The following CCSER1 variants were observed in gnomAD, a reference collection of about 807,000 sequenced individuals.
CCSER1 encodes serine-rich coiled-coil domain-containing protein 1.
In CCSER1, 41 loss-of-function variants were observed where a neutral mutation model predicts 82.0. The observed-to-expected ratio is 0.50, with a 90% CI of 0.39 to 0.65. The LOEUF (loss-of-function observed/expected upper bound fraction) is 0.65. Ranked by LOEUF, CCSER1 falls within the 30% of genes least tolerant of loss-of-function variation. The pLI is 0.00. For missense variants in CCSER1, 1,119 were observed against 1,064.2 expected, an observed-to-expected ratio of 1.05 and a Z score of -0.72; for synonymous variants, 414 against 383.9, an observed-to-expected ratio of 1.08 and a Z score of -0.92.
At position 90,286,144 on chromosome 4, in the gene CCSER1, C is replaced by T. The variant is rs185098086; in HGVS notation, c.-41-22100C>T. Among the ~76,000 whole-genome samples, 5 of 151,974 alleles carry T rather than the reference C, an allele frequency of 3.3e-5. No individual in the cohort carries two copies. The East Asian group carries it at 7.8e-4, about 24-fold the overall frequency. On this transcript the variant is annotated intron_variant, in intron 1 of 10. Coordinates refer to ENST00000509176, the MANE Select transcript of CCSER1 (RefSeq NM_001145065.2). ...GGTTTTGGTATTGGGGTAATACTGGCCCCATGGAATGAGTTTGGAAATAGC... is the reference window on the plus strand; with the variant it reads ...GGTTTTGGTATTGGGGTAATACTGGTCCCATGGAATGAGTTTGGAAATAGC...
At chr4:90,287,983 C>A (rs1730211940) in intron 1 of CCSER1, among the ~76,000 whole-genome samples, 1 of 151,716 alleles carries the variant, frequency 6.6e-6, no homozygotes, top group African/African-American at 2.4e-5. Context: ...AAACCCTGGG[C>A]ATTTTTTTAT....
chr4:91,393,503 C>T (rs1343460099), intron 10 of CCSER1, among the ~76,000 whole-genome samples: 2 of 152,012 alleles, frequency 1.3e-5, no homozygotes, highest in Non-Finnish European at 2.9e-5. Flanking sequence ...ATGAAATCCA[C>T]TTTTATGAAA....
intron 10 of CCSER1, among the ~76,000 whole-genome samples, chr4:91,574,193 A>G (rs1186669065): frequency 6.6e-6 from 1 of 152,162 alleles, no homozygotes; most frequent in Non-Finnish European, 1.5e-5. Context: ...CTGAAGAACT[A>G]AAATAATTTT....
chr4:90,893,691 T>G (rs1723265630), intron 8 of CCSER1, among the ~76,000 whole-genome samples: 1 of 151,974 alleles, frequency 6.6e-6, no homozygotes. Flanking sequence ...GTTCTCAGCA[T>G]TACTTTTACA....
chr4:90,457,723 C>T lies in CCSER1; in HGVS notation c.1604-10511C>T, dbSNP rs1003876022. ...TTCCATGGGCGGCCATGGCTGGGCC[C>T]GGAAAAGGCACCATAATTTTCACTC... is the stretch of plus-strand genomic sequence containing the variant. On this transcript the variant is annotated intron_variant, in intron 4 of 10. Transcript: ENST00000509176. Among the ~76,000 whole-genome samples the T allele has an allele frequency of 5.9e-5, 9 of 152,198 alleles. No individual in the cohort carries two copies. The East Asian group carries it at 9.7e-4, about 16-fold the overall frequency.
intron 7 of CCSER1, among the ~76,000 whole-genome samples, chr4:90,766,778 T>G (rs1751307607): frequency 6.6e-6 from 1 of 152,196 alleles, no homozygotes; most frequent in Non-Finnish European, 1.5e-5. Context: ...ATTCACACAT[T>G]TTGGCAATAA....
chr4:91,283,834 T>C (rs905794746), intron 10 of CCSER1, among the ~76,000 whole-genome samples: 4 of 152,122 alleles, frequency 2.6e-5, no homozygotes, highest in Non-Finnish European at 4.4e-5. Flanking sequence ...AGTGCTCCTG[T>C]ACCTTCTCGC....
intron 10 of CCSER1, among the ~76,000 whole-genome samples, chr4:91,593,300 G>A (rs567066127): frequency 1.9e-4 from 29 of 152,082 alleles, no homozygotes; most frequent in African/African-American, 7.0e-4. Context: ...TGAGTTATAT[G>A]CAATGTTGGT....
At chr4:90,141,638 A>G (rs988162240) in intron 1 of CCSER1, among the ~76,000 whole-genome samples, 2 of 152,140 alleles carry the variant, frequency 1.3e-5, no homozygotes, top group Non-Finnish European at 2.9e-5. Flanking sequence ...TTTGTTAACA[A>G]CTCTAGTGGA....
intron 6 of CCSER1, among the ~76,000 whole-genome samples, chr4:90,650,419 G>C (rs892065885): frequency 6.6e-6 from 1 of 152,126 alleles, no homozygotes; most frequent in Non-Finnish European, 1.5e-5. Flanking sequence ...ATAGTAACAG[G>C]ATAGTTTGGA....
intron 7 of CCSER1, among the ~76,000 whole-genome samples, chr4:90,810,277 A>G (rs1019995354): frequency 6.6e-6 from 1 of 152,108 alleles, no homozygotes; most frequent in African/African-American, 2.4e-5. Flanking sequence ...TGATCACCTT[A>G]TATGTGTCAG....
At chr4:91,176,036 A>G (rs1278416398) in intron 10 of CCSER1, among the ~76,000 whole-genome samples, 2 of 152,192 alleles carry the variant, frequency 1.3e-5, no homozygotes, top group Non-Finnish European at 1.5e-5. Context: ...TCAGCTTTCT[A>G]CATATGGCTA....
At chr4:90,352,223 C>T (rs1348927606) in intron 3 of CCSER1, among the ~76,000 whole-genome samples, 1 of 151,944 alleles carries the variant, frequency 6.6e-6, no homozygotes, top group Non-Finnish European at 1.5e-5. Context: ...ACTCGGGAGG[C>T]TGAGGCAGGA....
intron 8 of CCSER1, among the ~76,000 whole-genome samples, chr4:90,822,010 A>G (rs1428364832): frequency 1.3e-5 from 2 of 152,192 alleles, no homozygotes; most frequent in African/African-American, 4.8e-5. Context: ...GTTTTACACT[A>G]TGGATGAAGA....
rs190570361 is a variant in CCSER1 at position 91,290,600 on chromosome 4, G to A, written c.2217+204606G>A. Among the ~76,000 whole-genome samples the A allele has an allele frequency of 4.7e-4, 71 of 152,022 alleles. No individual in the cohort carries two copies. In the East Asian group the frequency reaches 0.011, roughly 23 times the overall value. On this transcript the variant is annotated intron_variant, in intron 10 of 10. Transcript: ENST00000509176. Reference sequence around the variant, plus strand: ...GAACTATTAAAATATGAATGATCTAGTACTTCTTTTACTATCCCATACCTC... The same window carrying A: ...GAACTATTAAAATATGAATGATCTAATACTTCTTTTACTATCCCATACCTC...
intron 3 of CCSER1, among the ~76,000 whole-genome samples, chr4:90,386,870 A>C (rs1313217227): frequency 6.6e-6 from 1 of 152,138 alleles, no homozygotes; most frequent in African/African-American, 2.4e-5. Context: ...GGCCCACCTA[A>C]TGTAAAGTAG....
intron 5 of CCSER1, among the ~76,000 whole-genome samples, chr4:90,627,652 T>G (rs1364867572): frequency 6.6e-6 from 1 of 152,124 alleles, no homozygotes; most frequent in African/African-American, 2.4e-5. Flanking sequence ...AACCATTTCA[T>G]AATTTCTACT....
intron 9 of CCSER1, among the ~76,000 whole-genome samples, chr4:90,986,792 AT>A (rs1736612815): frequency 6.6e-6 from 1 of 151,906 alleles, no homozygotes; most frequent in Non-Finnish European, 1.5e-5. Context: ...GCATGATTAT[AT>A]TTACAATTTC....
At position 90,319,417 on chromosome 4, in the gene CCSER1, C is replaced by T. The variant is rs755637162; in HGVS notation, c.1509+6370C>T. Among the ~76,000 whole-genome samples, 57 of 152,132 alleles carry T rather than the reference C, an allele frequency of 3.7e-4. 1 individual carries two copies. The highest frequency in any genetic ancestry group is 3.0e-3 in the Admixed American group (46 of 15,260). On this transcript the variant is annotated intron_variant, in intron 3 of 10. Coordinates refer to ENST00000509176, the MANE Select transcript of CCSER1 (RefSeq NM_001145065.2). ...CTGTAATCCCTGCAATTTGGGAGGCCGAGGTGGGCGGGTCATGAGGTTAGG... is the reference window on the plus strand; with the variant it reads ...CTGTAATCCCTGCAATTTGGGAGGCTGAGGTGGGCGGGTCATGAGGTTAGG...
Sources: allele counts gnomAD v4.1 joint callset (sites outside exome capture counted in the v4.1 genomes callset), GRCh38; gene constraint gnomAD v4.1.1; transcripts MANE v1.5; gene names NCBI Gene and HGNC (gene_info 2026-07-23, HGNC 2026-07-21).